The following CACNA2D3 variants were observed in gnomAD, a reference collection of about 807,000 sequenced individuals.
CACNA2D3 encodes voltage-dependent calcium channel subunit alpha-2/delta-3.
CACNA2D3 carries 60 observed loss-of-function variants against 160.6 expected under a neutral mutation model. The observed-to-expected ratio is 0.37, with a 90% CI of 0.30 to 0.46. The LOEUF (loss-of-function observed/expected upper bound fraction) is 0.46. CACNA2D3 is among the 20% of genes least tolerant of loss of function. The pLI is 1.00. For synonymous variants in CACNA2D3, 558 were observed against 492.9 expected, an observed-to-expected ratio of 1.13 and a Z score of -1.75; for missense variants, 1,205 against 1,365.0, an observed-to-expected ratio of 0.88 and a Z score of 1.85.
At chr3:54,186,995 A>G (rs1167470109) in intron 2 of CACNA2D3, among the ~76,000 whole-genome samples, 1 of 152,214 alleles carries the variant, frequency 6.6e-6, no homozygotes, top group African/African-American at 2.4e-5. Flanking sequence ...CCATTCATCT[A>G]CAAGAGACAC....
At chr3:54,886,867 C>T (rs1010749421) in intron 23 of CACNA2D3, among the ~76,000 whole-genome samples, 1 of 148,744 alleles carries the variant, frequency 6.7e-6, no homozygotes, top group African/African-American at 2.5e-5. Flanking sequence ...TAGAATTCCA[C>T]TACATAACTT....
At chr3:54,345,734 C>G (rs2107528806) in intron 3 of CACNA2D3, among the ~76,000 whole-genome samples, 1 of 152,272 alleles carries the variant, frequency 6.6e-6, no homozygotes, top group African/African-American at 2.4e-5. Context: ...ACCTCTAAGC[C>G]TAACGTCATC....
At chr3:54,385,356 G>C (rs924328858) in intron 3 of CACNA2D3, among the ~76,000 whole-genome samples, 6 of 152,104 alleles carry the variant, frequency 3.9e-5, no homozygotes, top group Admixed American at 6.6e-5. Flanking sequence ...ACAGGGGAAG[G>C]GTCCTGCGCA....
chr3:54,817,651 A>G (rs1013012891), intron 14 of CACNA2D3, among the ~76,000 whole-genome samples: 1 of 152,318 alleles, frequency 6.6e-6, no homozygotes, highest in African/African-American at 2.4e-5. Context: ...CACCCCCCTG[A>G]AATTTAAACA....
chr3:54,278,142 T>C (rs1702787664), intron 2 of CACNA2D3, among the ~76,000 whole-genome samples: 1 of 152,068 alleles, frequency 6.6e-6, no homozygotes, highest in Admixed American at 6.5e-5. Flanking sequence ...TAAACAAATT[T>C]ACTAGAAAAA....
At chr3:54,822,775 T>C (rs1214224084) in intron 14 of CACNA2D3, among the ~76,000 whole-genome samples, 1,646 of 92,750 alleles carry the variant, frequency 0.018, 67 homozygotes, top group African/African-American at 0.064. Context: ...TCTTTCTTTC[T>C]TTCTTTCTTT....
intron 6 of CACNA2D3, among the ~76,000 whole-genome samples, chr3:54,564,208 G>A (rs1047953970): frequency 6.6e-6 from 1 of 152,148 alleles, no homozygotes; most frequent in Non-Finnish European, 1.5e-5. Context: ...AGTAGAAACC[G>A]CAGATCACCT....
chr3:54,880,692 C>A (rs932417769), intron 20 of CACNA2D3, 104 bp from the exon 21 acceptor site: 1 of 998,228 alleles, frequency 1.0e-6, no homozygotes, highest in Non-Finnish European at 1.6e-6. Flanking sequence ...GTTGACAGAT[C>A]ATAAAATGGA....
Position 54,265,677 on chromosome 3 carries a change from TATATATATATA to T in CACNA2D3, c.205-54764_205-54754del, listed in dbSNP as rs1443053858. On this transcript the variant is annotated intron_variant, in intron 2 of 37. Transcript: ENST00000474759. ...ATATAGTGTATATATATAGTGTGTG[TATATATATATA>T]GTGTGGGTATATATAGTGTGTTTAT... Among the ~76,000 whole-genome samples the T allele has an allele frequency of 3.2e-4, 42 of 133,240 alleles. 1 individual carries two copies. Among genetic ancestry groups the T allele is most frequent in the African/African-American group, 1.0e-3 (40 of 39,178 alleles). 87.4% of individuals were successfully genotyped at this position (133,240 alleles called of 152,430 possible). A position where few individuals can be genotyped will look rare whatever the true frequency, so the allele number is the denominator to read the frequency against.
intron 31 of CACNA2D3, among the ~76,000 whole-genome samples, chr3:54,994,129 ACCTTTCT>A (rs1402188066): frequency 1.3e-5 from 2 of 151,502 alleles, no homozygotes; most frequent in Non-Finnish European, 2.9e-5. Flanking sequence ...TATTTAAATC[ACCTTTCT>A]AAAAGGTGAC....
chr3:54,726,113 A>G (rs1488953122), intron 11 of CACNA2D3, among the ~76,000 whole-genome samples: 1 of 152,178 alleles, frequency 6.6e-6, no homozygotes, highest in Non-Finnish European at 1.5e-5. Flanking sequence ...CCTATACACC[A>G]ATAATAGACA....
At chr3:54,321,922 C>CAAAAAAAA (rs1214395409) in intron 3 of CACNA2D3, among the ~76,000 whole-genome samples, 2 of 100,704 alleles carry the variant, frequency 2.0e-5, no homozygotes. Context: ...GAAATCCTTG[C>CAAAAAAAA]AAAAAAAAAA....
intron 9 of CACNA2D3, among the ~76,000 whole-genome samples, chr3:54,612,632 G>T (rs1698766775): frequency 6.6e-6 from 1 of 152,138 alleles, no homozygotes; most frequent in Non-Finnish European, 1.5e-5. Flanking sequence ...TTAGAGGTGA[G>T]TAGAGATATA....
chr3:54,427,305 T>A (rs532280228), intron 4 of CACNA2D3, among the ~76,000 whole-genome samples: 226 of 152,248 alleles, frequency 1.5e-3, no homozygotes, highest in Non-Finnish European at 2.6e-3. Flanking sequence ...TTAGCAAACA[T>A]CTCGGACACA....
In CACNA2D3 at chr3:54,881,181, G is replaced by A. The variant is rs1575527956; in HGVS notation, c.1912+318G>A. On this transcript the variant is annotated intron_variant, in intron 21 of 37. Coordinates refer to ENST00000474759, the MANE Select transcript of CACNA2D3 (RefSeq NM_018398.3). ...GATGAAAGCAGAGTATCAGTAAATA[G>A]GAATCATCCCTCAAGTATATTCTTC... Among the ~76,000 whole-genome samples the A allele has an allele frequency of 2.0e-5, 3 of 152,232 alleles. No individual in the cohort carries two copies. The East Asian group carries it at 5.8e-4, about 29-fold the overall frequency.
rs561951947 is a variant in CACNA2D3 at position 54,652,331 on chromosome 3, G to A, written c.1167+10090G>A. Among the ~76,000 whole-genome samples, 12 of 152,320 alleles carry A rather than the reference G, an allele frequency of 7.9e-5. No homozygotes were observed. In the South Asian group the frequency reaches 1.2e-3, roughly 16 times the overall value. ...CTGTGTCTCGCAGTCCATTGTAATG[G>A]AGCCCAGGAGTAGGGGGCTAAGACA... On this transcript the variant is annotated intron_variant, in intron 11 of 37. Coordinates refer to ENST00000474759, the MANE Select transcript of CACNA2D3 (RefSeq NM_018398.3).
intron 4 of CACNA2D3, among the ~76,000 whole-genome samples, chr3:54,406,430 T>C (rs1035326478): frequency 3.3e-5 from 5 of 152,106 alleles, no homozygotes; most frequent in Non-Finnish European, 7.4e-5. Flanking sequence ...TACACACACA[T>C]TGTACAATGT....
intron 10 of CACNA2D3, chr3:54,632,874 G>T (rs1699273918): frequency 3.3e-5 from 5 of 152,078 alleles, no homozygotes; most frequent in Admixed American, 3.3e-4. Flanking sequence ...GGAATAGTAA[G>T]TTATATTGAT....
intron 13 of CACNA2D3, among the ~76,000 whole-genome samples, chr3:54,788,367 T>C (rs1402138754): frequency 1.3e-5 from 2 of 152,154 alleles, no homozygotes; most frequent in Non-Finnish European, 2.9e-5. Context: ...TCACCACCAG[T>C]CCGTGACTAA....
Sources: allele counts gnomAD v4.1 joint callset (sites outside exome capture counted in the v4.1 genomes callset), GRCh38; gene constraint gnomAD v4.1.1; transcripts MANE v1.5; gene names NCBI Gene and HGNC (gene_info 2026-07-23, HGNC 2026-07-21).